Variants in CUL1 observed in about 807,000 individuals in gnomAD.
CUL1 encodes cullin-1.
Under a neutral mutation model 118.0 loss-of-function variants are expected in CUL1, and 24 were observed. That is an observed-to-expected ratio of 0.20 (90% CI 0.15 to 0.29). The LOEUF (loss-of-function observed/expected upper bound fraction) is 0.29. Ranked by LOEUF, CUL1 falls within the 10% of genes least tolerant of loss-of-function variation. The probability of loss-of-function intolerance (pLI) is 1.00; values close to 1 mark genes in which losing one functional copy is unlikely to be tolerated. For synonymous variants in CUL1, 332 were observed against 340.4 expected (o/e 0.98, Z 0.27); for missense variants, 361 against 933.8 (o/e 0.39, Z 7.99).
intron 20 of CUL1, 97 bp from the exon 21 acceptor site, chr7:148,799,178 A>ACGAACT: frequency 2.4e-6 from 2 of 816,488 alleles, no homozygotes; most frequent in Non-Finnish European, 4.0e-6. Context: ...GATCCTGTGC[A>ACGAACT]TAGGCGTCGG....
chr7:148,733,363 A>G (rs544706699), intron 2 of CUL1, among the ~76,000 whole-genome samples: 2 of 152,338 alleles, frequency 1.3e-5, no homozygotes, highest in East Asian at 1.9e-4. Context: ...ATATCTTTTC[A>G]GCATCATTGT....
At chr7:148,778,086 A>AAAAAAAAAAAAAAAAAAAAAAAAAT (rs1800469644) in intron 9 of CUL1, among the ~76,000 whole-genome samples, 1 of 141,830 alleles carries the variant, frequency 7.1e-6, no homozygotes, top group Non-Finnish European at 1.5e-5. Context: ...AAAAAAAAAA[A>AAAAAAAAAAAAAAAAAAAAAAAAAT]AAAAAAAAAA....
rs559059752 is a variant in CUL1 at position 148,800,231 on chromosome 7, C to T, written c.2251-271C>T. On this transcript the variant is annotated intron_variant, in intron 21 of 21. Coordinates refer to ENST00000325222, the MANE Select transcript of CUL1 (RefSeq NM_003592.3). The surrounding 1 kb of genome is among the most constrained non-coding windows in gnomAD (Gnocchi z 4.6). ...GGTGGTAGAAAGGGAGACTGGCCCA[C>T]GGGGCTCCCGAAGCACCTGACTCCA... 1.3e-5 allele frequency among the ~76,000 whole-genome samples: 2 copies of T among 152,310 alleles called. No homozygotes were observed. Among genetic ancestry groups the T allele is most frequent in the African/African-American group, 2.4e-5 (1 of 41,568 alleles).
intron 2 of CUL1, among the ~76,000 whole-genome samples, chr7:148,749,895 G>A (rs1799432231): frequency 6.6e-6 from 1 of 152,206 alleles, no homozygotes; most frequent in Non-Finnish European, 1.5e-5. Flanking sequence ...AATTAAAAGC[G>A]CTGCTCCAGT....
chr7:148,766,420 A>G (rs1800009421), intron 7 of CUL1, 141 bp from the exon 8 acceptor site: 3 of 728,882 alleles, frequency 4.1e-6, no homozygotes, highest in East Asian at 6.2e-5. Context: ...GCCCTCCCTT[A>G]TTTTCTTAAT....
chr7:148,733,922 T>C, intron 2 of CUL1, among the ~76,000 whole-genome samples: 1 of 152,122 alleles, frequency 6.6e-6, no homozygotes, highest in Non-Finnish European at 1.5e-5. Context: ...TTTAGGAACC[T>C]GTGACATTTG....
At chr7:148,734,261 G>A (rs1798865766) in intron 2 of CUL1, among the ~76,000 whole-genome samples, 1 of 151,700 alleles carries the variant, frequency 6.6e-6, no homozygotes. Flanking sequence ...CTGTGTGTGT[G>A]TGTAAGACAG....
Position 148,759,530 on chromosome 7 carries a change from TC to T in CUL1, c.535-17del, listed in dbSNP as rs747370999. 1.1e-5 allele frequency: 17 copies of T among 1,527,692 alleles called. No homozygotes were observed. The highest frequency in any genetic ancestry group is 1.1e-5 in the Non-Finnish European group (12 of 1,108,592). The allele number at this position is 1,527,692 out of a possible 1,614,324, so 94.6% of individuals were successfully genotyped here. A position where few individuals can be genotyped will look rare whatever the true frequency, so the allele number is the denominator to read the frequency against. ...TATTCTATAACCTGTGTAATATTTTTCTACATCCTTTCTAAAGGTAACAAAT... is the reference window on the plus strand; with the variant it reads ...TATTCTATAACCTGTGTAATATTTTTTACATCCTTTCTAAAGGTAACAAAT... On this transcript the variant is annotated splice_polypyrimidine_tract_variant and intron_variant, in intron 5 of 21. Transcript: ENST00000325222.
chr7:148,793,773 G>C (rs1455878588), intron 17 of CUL1, among the ~76,000 whole-genome samples: 1 of 152,170 alleles, frequency 6.6e-6, no homozygotes, highest in African/African-American at 2.4e-5. Flanking sequence ...ATATACCTAG[G>C]TATAGAATTG....
chr7:148,781,340 C>G (rs1005405101), intron 9 of CUL1, among the ~76,000 whole-genome samples: 5 of 152,122 alleles, frequency 3.3e-5, no homozygotes, highest in Non-Finnish European at 7.4e-5. Flanking sequence ...CTACGCCTCC[C>G]AAAGTTCTGG....
At chr7:148,706,269 T>G (rs1048457804) in intron 1 of CUL1, among the ~76,000 whole-genome samples, 2 of 152,196 alleles carry the variant, frequency 1.3e-5, no homozygotes, top group Non-Finnish European at 2.9e-5. Context: ...ATACTCAATT[T>G]GTGTTCAGTG....
intron 2 of CUL1, among the ~76,000 whole-genome samples, chr7:148,735,374 G>A (rs1481559652): frequency 2.6e-5 from 4 of 152,186 alleles, no homozygotes; most frequent in South Asian, 4.1e-4. Context: ...CTTGGCTGCC[G>A]CCACCACTCT....
At chr7:148,738,107 A>G (rs1799019013) in intron 2 of CUL1, among the ~76,000 whole-genome samples, 1 of 152,220 alleles carries the variant, frequency 6.6e-6, no homozygotes, top group East Asian at 1.9e-4. Context: ...GGCAATAACT[A>G]AAAGTCAAGA....
upstream of CUL1, chr7:148,697,905 G>A (rs1797574790): frequency 6.6e-6 from 1 of 152,194 alleles, no homozygotes. Flanking sequence ...AAGTACACGT[G>A]AAAACAATAC....
rs61460309 is a variant in CUL1, at chr7:148,749,415, C to CAAAAAAAAAAAA, written c.141-4552_141-4541dup. ...TGGGCAACAGAGTGAGACTCCATCT[C>CAAAAAAAAAAAA]AAAAAAAAAAAAAAAAAAAAGTAAA... is the stretch of plus-strand genomic sequence containing the variant. On this transcript the variant is annotated intron_variant, in intron 2 of 21. Coordinates refer to ENST00000325222, the MANE Select transcript of CUL1 (RefSeq NM_003592.3). 1.9e-4 allele frequency among the ~76,000 whole-genome samples: 11 copies of CAAAAAAAAAAAA among 56,420 alleles called. 1 individual carries two copies. The highest frequency in any genetic ancestry group is 1.6e-3 in the South Asian group (2 of 1,240). 37.0% of individuals were successfully genotyped at this position (56,420 alleles called of 152,430 possible). A position where few individuals can be genotyped will look rare whatever the true frequency, so the allele number is the denominator to read the frequency against.
At chr7:148,725,195 G>A (rs962767023) in intron 1 of CUL1, among the ~76,000 whole-genome samples, 2 of 134,756 alleles carry the variant, frequency 1.5e-5, no homozygotes, top group East Asian at 2.1e-4. Context: ...ACATGCGCGC[G>A]TGTACACACA....
chr7:148,711,811 A>G (rs1292170640), intron 1 of CUL1, among the ~76,000 whole-genome samples: 1 of 152,262 alleles, frequency 6.6e-6, no homozygotes, highest in East Asian at 1.9e-4. Flanking sequence ...CAAACGGTTC[A>G]CCACACATGA....
At chr7:148,721,158 A>G (rs778178096) in intron 1 of CUL1, among the ~76,000 whole-genome samples, 5 of 152,158 alleles carry the variant, frequency 3.3e-5, no homozygotes, top group Non-Finnish European at 5.9e-5. Flanking sequence ...TTTCTTATGT[A>G]TGTAGCAAAT....
At chr7:148,773,300 T>C (rs1224344407) in intron 9 of CUL1, among the ~76,000 whole-genome samples, 1 of 151,930 alleles carries the variant, frequency 6.6e-6, no homozygotes, top group Non-Finnish European at 1.5e-5. Context: ...ACCCCAAAAC[T>C]CTGGCTAATG....
Sources: gnomAD v4.1 joint callset for allele counts (sites outside exome capture counted in the v4.1 genomes callset) on GRCh38, gnomAD v4.1.1 for gene constraint, Gnocchi (gnomAD v3.1) non-coding constraint, MANE v1.5 for transcripts, NCBI Gene and HGNC (gene_info 2026-07-23, HGNC 2026-07-21) for gene names.